Variants in SRCAP observed in about 807,000 individuals in gnomAD.
SRCAP encodes chromatin remodeling protein SRCAP.
In SRCAP, 46 loss-of-function variants were observed where a neutral mutation model predicts 263.1. That is an observed-to-expected ratio of 0.17 (90% CI 0.14 to 0.22). SRCAP has a LOEUF of 0.22. Among genes scored for constraint, SRCAP ranks in the 10% least tolerant of loss-of-function variants. The pLI is 1.00. For synonymous variants in SRCAP, 1,813 were observed against 1,662.1 expected, an observed-to-expected ratio of 1.09 and a Z score of -2.21; for missense variants, 3,695 against 4,181.9, an observed-to-expected ratio of 0.88 and a Z score of 3.21.
In SRCAP at chr16:30,737,976, G is replaced by A. The variant is rs2053177432; in HGVS notation, c.7936G>A (p.Val2646Met). Residue 2646 changes from valine to methionine, a missense_variant, in exon 34 of 34, where the codon GTG becomes ATG. Around this residue, in one of 12 missense-constraint regions of SRCAP, gnomAD observed 1,207 missense variants for 1,142.9 expected, o/e 1.06. Coordinates refer to ENST00000262518, the MANE Select transcript of SRCAP (RefSeq NM_006662.3). ...TGAAGGTGAGGAGTTGCCCCTGTGT[G>A]TGAGTGAGAGCAATGGCCTGGAGCT... Reference protein sequence around the residue: ...LPEGEELPLCVSESNGLELPP... With the variant: ...LPEGEELPLCMSESNGLELPP... 1 of 1,614,122 alleles carries A rather than the reference G, an allele frequency of 6.2e-7. No individual in the cohort carries two copies. Among genetic ancestry groups the A allele is most frequent in the Non-Finnish European group, 8.5e-7 (1 of 1,180,030 alleles).
At chr16:30,703,303 C>T (rs980629012) in intron 3 of SRCAP, among the ~76,000 whole-genome samples, 3 of 151,200 alleles carry the variant, frequency 2.0e-5, no homozygotes, top group Admixed American at 6.6e-5. Context: ...AAGCGATTCT[C>T]GTGCCTCAAC....
intron 33 of SRCAP, 118 bp from the exon 34 acceptor site, chr16:30,736,931 C>A: frequency 3.3e-6 from 4 of 1,202,020 alleles, no homozygotes. Context: ...GCCTTAACTT[C>A]CCCAAGTGCT....
chr16:30,711,931 A>G lies in SRCAP; in HGVS notation c.1589A>G (p.Glu530Gly), dbSNP rs189047288. 44 of 1,613,980 alleles carry G rather than the reference A, an allele frequency of 2.7e-5. 1 individual carries two copies. The East Asian group carries it at 9.4e-4, about 34-fold the overall frequency. The change falls in exon 12 of 34, where the codon GAG becomes GGG. Residue 530 changes from glutamate to glycine, a missense_variant. Glu to Gly is a moderately conservative substitution (Grantham distance 98, BLOSUM62 -2). Around this residue, in one of 12 missense-constraint regions of SRCAP, gnomAD observed 288 missense variants for 302.4 expected, o/e 0.95. Transcript: ENST00000262518. ...SSASEESESE[E>G]SEDAQSQSQA... ...GCATCAGAGGAATCTGAGTCTGAAG[A>G]GTCTGAGGATGCCCAATCACAGAGC...
In SRCAP at chr16:30,738,979, C is replaced by A; in HGVS notation, c.8939C>A (p.Pro2980Gln). 6.2e-7 allele frequency: 1 copy of A among 1,613,816 alleles called. No individual in the cohort carries two copies. The highest frequency in any genetic ancestry group is 8.5e-7 in the Non-Finnish European group (1 of 1,179,814). ...PHPSPLTPLP[P>Q]LLVCPTATVA... ...CCATCACCCCTAACCCCACTCCCAC[C>A]ACTGCTAGTTTGTCCCACTGCTACT... The change falls in exon 34 of 34, where the codon CCA becomes CAA. Residue 2980 changes from proline to glutamine, a missense_variant. Physicochemically the swap from Pro to Gln is moderately conservative, Grantham distance 76. Around this residue, in one of 12 missense-constraint regions of SRCAP, gnomAD observed 1,207 missense variants for 1,142.9 expected, o/e 1.06. Transcript: ENST00000262518.
intron 17 of SRCAP, 34 bp from the exon 18 acceptor site, chr16:30,716,259 T>C (rs759087915): frequency 1.2e-6 from 2 of 1,613,294 alleles, no homozygotes; most frequent in Non-Finnish European, 1.7e-6. Context: ...AGGTGGCTGT[T>C]AGGACGTCTC....
chr16:30,715,544 G>A (rs1200019362), intron 16 of SRCAP, among the ~76,000 whole-genome samples: 1 of 149,330 alleles, frequency 6.7e-6, no homozygotes, highest in East Asian at 2.0e-4. Flanking sequence ...CAGCCTGGGT[G>A]ACAGAGCGCA....
rs2053040576 is a variant in SRCAP, at chr16:30,724,252, C to G, written c.4828C>G (p.Pro1610Ala). The G allele has an allele frequency of 6.2e-7, 1 of 1,614,014 alleles. No homozygotes were observed. The highest frequency in any genetic ancestry group is 8.5e-7 in the Non-Finnish European group (1 of 1,179,976). ...PSPAPPLAPLPVLAPSPGAAP... is the reference protein window; with the variant it reads ...PSPAPPLAPLAVLAPSPGAAP... ...TCCAGCTCCTCCTCTGGCTCCTCTTCCGGTCCTGGCACCATCGCCAGGTGC... is the reference window on the plus strand; with the variant it reads ...TCCAGCTCCTCCTCTGGCTCCTCTTGCGGTCCTGGCACCATCGCCAGGTGC... The change falls in exon 25 of 34, where the codon CCG becomes GCG. Residue 1610 changes from proline (P) to alanine (A), a missense_variant. Around this residue, in one of 12 missense-constraint regions of SRCAP, gnomAD observed 1,347 missense variants for 1,304.4 expected, o/e 1.03. Coordinates refer to ENST00000262518, the MANE Select transcript of SRCAP (RefSeq NM_006662.3).
chr16:30,712,522 C>T, intron 13 of SRCAP, 83 bp downstream of exon 13: 1 of 1,518,702 alleles, frequency 6.6e-7, no homozygotes, highest in Non-Finnish European at 8.8e-7. Context: ...GCTTCATTGA[C>T]TTTTGCTTTA....
chr16:30,704,169 G>T lies in SRCAP; in HGVS notation c.160G>T (p.Asp54Tyr). The stretch of plus-strand genomic sequence containing the variant: ...CATCTCCCCGCAGCACATAGCTCAA[G>T]ATTCCTCACTGGATGGACCTCCAGG... ...GGISPQHIAQ[D>Y]SSLDGPPGPP... Residue 54 changes from aspartate to tyrosine, a missense_variant, in exon 4 of 34, where the codon GAT (aspartate) becomes TAT (tyrosine). Asp to Tyr is a radical substitution (Grantham distance 160). Around this residue, in one of 12 missense-constraint regions of SRCAP, gnomAD observed 122 missense variants for 116.9 expected, o/e 1.04. Coordinates refer to ENST00000262518, the MANE Select transcript of SRCAP (RefSeq NM_006662.3). The T allele has an allele frequency of 6.2e-7, 1 of 1,614,184 alleles. No homozygotes were observed. Among genetic ancestry groups the T allele is most frequent in the Non-Finnish European group, 8.5e-7 (1 of 1,180,030 alleles).
rs1260757198 is a variant in SRCAP, at chr16:30,700,610, C to T, written c.-209-6C>T. 20 of 353,832 alleles carry T rather than the reference C, an allele frequency of 5.7e-5. No homozygotes were observed. The highest frequency in any genetic ancestry group is 7.5e-5 in the South Asian group (1 of 13,292). 21.9% of individuals were successfully genotyped at this position (353,832 alleles called of 1,614,324 possible). A position where few individuals can be genotyped will look rare whatever the true frequency, so the allele number is the denominator to read the frequency against. On this transcript the variant is annotated splice_region_variant and splice_polypyrimidine_tract_variant and intron_variant, in intron 2 of 33. Coordinates refer to ENST00000262518, the MANE Select transcript of SRCAP (RefSeq NM_006662.3). ...GTCTTTTTTTTTTTTTTTAACCCTA[C>T]TTTAGGTGCTCCAGAGGCTGGTGGA...
chr16:30,718,193 G>T (rs1171532629), intron 18 of SRCAP, among the ~76,000 whole-genome samples: 6 of 151,716 alleles, frequency 4.0e-5, no homozygotes, highest in Non-Finnish European at 5.9e-5. Context: ...TTTGGGTGGG[G>T]GGGGCAGAGT....
intron 13 of SRCAP, 95 bp from the exon 14 acceptor site, chr16:30,712,584 C>A: frequency 6.4e-7 from 1 of 1,570,310 alleles, no homozygotes. Context: ...GCTAGGATTC[C>A]TAGGAAGGGC....
chr16:30,728,643 C>T (rs2053084828), intron 25 of SRCAP, among the ~76,000 whole-genome samples: 1 of 152,150 alleles, frequency 6.6e-6, no homozygotes, highest in Admixed American at 6.5e-5. Context: ...ATTCTATAAA[C>T]TTGTTGGAAT....
chr16:30,709,504 C>T lies in SRCAP; in HGVS notation c.634-9C>T. On this transcript the variant is annotated splice_polypyrimidine_tract_variant and intron_variant, in intron 6 of 33. Coordinates refer to ENST00000262518, the MANE Select transcript of SRCAP (RefSeq NM_006662.3). ...TCTTGGTGAGCAGTCCCTTTCACAT[C>T]TGTGGCAGGTGGTGCAATTCAAGCA... is the stretch of plus-strand genomic sequence containing the variant. 1 of 1,613,988 alleles carries T rather than the reference C, an allele frequency of 6.2e-7. No homozygotes were observed. The highest frequency in any genetic ancestry group is 8.5e-7 in the Non-Finnish European group (1 of 1,179,866).
intron 3 of SRCAP, among the ~76,000 whole-genome samples, chr16:30,703,216 A>G (rs544142703): frequency 6.6e-6 from 1 of 150,706 alleles, no homozygotes; most frequent in East Asian, 2.0e-4. Context: ...AGACAGAGTC[A>G]CCCTGTCATC....
At chr16:30,731,887 G>C (rs1488192394) in intron 27 of SRCAP, among the ~76,000 whole-genome samples, 2 of 151,920 alleles carry the variant, frequency 1.3e-5, no homozygotes, top group Non-Finnish European at 2.9e-5. Context: ...GCTCATGTCT[G>C]TAATCCCAGC....
chr16:30,709,266 T>TA (rs766700062), intron 6 of SRCAP, among the ~76,000 whole-genome samples: 229 of 143,292 alleles, frequency 1.6e-3, no homozygotes, highest in South Asian at 2.2e-3. Flanking sequence ...CTCATCTCTT[T>TA]AAAAAAAAAA....
chr16:30,708,377 T>A (rs1485697547), intron 6 of SRCAP, among the ~76,000 whole-genome samples: 1 of 152,046 alleles, frequency 6.6e-6, no homozygotes, highest in African/African-American at 2.4e-5. Flanking sequence ...TCTTGCTAAT[T>A]AAAAAAATTC....
At position 30,739,602 on chromosome 16, in the gene SRCAP, C is replaced by A. The variant is rs201133838; in HGVS notation, c.9562C>A (p.Arg3188Ser). The part of the protein sequence containing the change: ...GEEEEGDGTP[R>S]RRPGPRRLVG... ...GGAGGAGGAAGGGGATGGGACCCCA[C>A]GCCGACGTCCTGGCCCCCGCCGGCT... The change falls in exon 34 of 34, where the codon CGC (arginine) becomes AGC (serine). Residue 3188 changes from arginine to serine, a missense_variant. By Grantham distance (110) the Arg-to-Ser change is moderately radical. This residue lies in a region of SRCAP where 1,207 missense variants were observed against 1,142.9 expected (regional missense o/e 1.06). Coordinates refer to ENST00000262518, the MANE Select transcript of SRCAP (RefSeq NM_006662.3). 6.3e-7 allele frequency: 1 copy of A among 1,595,204 alleles called. No individual in the cohort carries two copies. Among genetic ancestry groups the A allele is most frequent in the Non-Finnish European group, 8.5e-7 (1 of 1,171,694 alleles).
Sources: allele counts gnomAD v4.1 joint callset (sites outside exome capture counted in the v4.1 genomes callset), GRCh38; gene constraint gnomAD v4.1.1; regional missense constraint gnomAD v4.1.1; transcripts MANE v1.5; gene names NCBI Gene and HGNC (gene_info 2026-07-23, HGNC 2026-07-21).